RBPMS2: variants seen among roughly 807,000 people sequenced by gnomAD.
The protein encoded by RBPMS2 is RNA binding protein, mRNA processing factor 2, also known as RNA-binding protein with multiple splicing 2.
A neutral mutation model predicts 25.7 loss-of-function variants in RBPMS2; 14 were observed. That is an observed-to-expected ratio of 0.55 (90% CI 0.36 to 0.85). The LOEUF (loss-of-function observed/expected upper bound fraction) is 0.85, where lower values mean the gene tolerates loss of function less well. RBPMS2 is among the 40% of genes least tolerant of loss of function. The probability of loss-of-function intolerance (pLI) is 0.01; values close to 1 mark genes in which losing one functional copy is unlikely to be tolerated. For missense variants in RBPMS2, 252 were observed against 283.4 expected (o/e 0.89, Z 0.80); for synonymous variants, 127 against 115.6 (o/e 1.10, Z -0.63).
In RBPMS2 at chr15:64,750,328, TA is replaced by T; in HGVS notation, c.204+14del. The T allele has an allele frequency of 6.2e-7, 1 of 1,611,876 alleles. No individual in the cohort carries two copies. Among genetic ancestry groups the T allele is most frequent in the Non-Finnish European group, 8.5e-7 (1 of 1,178,002 alleles). ...GTCTGGGCTGGGAGGAAGAAAACCC[TA>T]GGAGAGAAATTACCTGTCTTGCAGT... On this transcript the variant is annotated intron_variant, in intron 3 of 7. Transcript: ENST00000300069.
At chr15:64,752,192 A>G (rs929090749) in intron 1 of RBPMS2, among the ~76,000 whole-genome samples, 2 of 151,486 alleles carry the variant, frequency 1.3e-5, no homozygotes, top group Non-Finnish European at 2.9e-5. Flanking sequence ...GCAGTGCCTG[A>G]CCCCCCAAAA....
intron 1 of RBPMS2, among the ~76,000 whole-genome samples, chr15:64,756,818 T>TAG (rs765627531): frequency 0.86 from 125,351 of 145,172 alleles, 55,447 homozygotes; most frequent in East Asian, 0.96. Flanking sequence ...TTTTTTTTTT[T>TAG]TTGGAGAGAC....
At chr15:64,749,910 A>T (rs758296688) in intron 3 of RBPMS2, among the ~76,000 whole-genome samples, 12 of 152,168 alleles carry the variant, frequency 7.9e-5, no homozygotes, top group Non-Finnish European at 1.8e-4. Context: ...TAGGTTGAAA[A>T]CTGCTCCAAC....
intron 1 of RBPMS2, among the ~76,000 whole-genome samples, chr15:64,765,132 C>G (rs1042732028): frequency 8.2e-5 from 11 of 134,838 alleles, no homozygotes; most frequent in Non-Finnish European, 7.6e-5. Context: ...GAGGCTGAGG[C>G]AGAAGAATGA....
At chr15:64,755,222 T>C (rs1377788906) in intron 1 of RBPMS2, among the ~76,000 whole-genome samples, 2 of 152,078 alleles carry the variant, frequency 1.3e-5, no homozygotes, top group African/African-American at 2.4e-5. Flanking sequence ...ATGACCCTTT[T>C]CCTCAGGGTT....
At chr15:64,756,494 G>T (rs931145926) in intron 1 of RBPMS2, among the ~76,000 whole-genome samples, 4 of 149,966 alleles carry the variant, frequency 2.7e-5, no homozygotes, top group African/African-American at 9.9e-5. Flanking sequence ...TCCATCCTGG[G>T]CAGGAGAGCA....
rs578103652 is a variant in RBPMS2, at chr15:64,764,410, G to A, written c.87+10823C>T. The stretch of plus-strand genomic sequence containing the variant: ...TGCTGGCATGAACACACAGCCCCGA[G>A]CCCACCACACCTAGCCCATTACTTG... On this transcript the variant is annotated intron_variant, in intron 1 of 7. Coordinates refer to ENST00000300069, the MANE Select transcript of RBPMS2 (RefSeq NM_194272.3). Among the ~76,000 whole-genome samples, 12 of 152,268 alleles carry A rather than the reference G, an allele frequency of 7.9e-5. No homozygotes were observed. The East Asian group carries it at 2.3e-3, about 29-fold the overall frequency.
intron 1 of RBPMS2, chr15:64,762,561 T>C (rs910712020): frequency 1.9e-6 from 1 of 530,830 alleles, no homozygotes. Flanking sequence ...GACACTGCAC[T>C]CAGGGTCCAG....
chr15:64,754,766 G>A (rs967955970), intron 1 of RBPMS2, among the ~76,000 whole-genome samples: 2 of 151,948 alleles, frequency 1.3e-5, no homozygotes, highest in African/African-American at 4.8e-5. Context: ...GAGGTGATGG[G>A]TGCTTTGGGT....
intron 2 of RBPMS2, among the ~76,000 whole-genome samples, chr15:64,751,060 C>T (rs901065250): frequency 6.6e-6 from 1 of 151,290 alleles, no homozygotes; most frequent in Admixed American, 6.6e-5. Flanking sequence ...AAAGGACAAG[C>T]GCCGTGGCTC....
At chr15:64,742,970 G>A (rs1294369031) in intron 6 of RBPMS2, among the ~76,000 whole-genome samples, 1 of 152,216 alleles carries the variant, frequency 6.6e-6, no homozygotes, top group South Asian at 2.1e-4. Context: ...GGAGCTCAGC[G>A]GGAAGTTAGA....
chr15:64,757,042 A>G (rs1405157150), intron 1 of RBPMS2, among the ~76,000 whole-genome samples: 1 of 140,900 alleles, frequency 7.1e-6, no homozygotes, highest in Non-Finnish European at 1.5e-5. Context: ...GCGCTATCAT[A>G]GCTCACTGCA....
intron 3 of RBPMS2, among the ~76,000 whole-genome samples, chr15:64,750,056 CAA>C (rs748378695): frequency 3.6e-5 from 5 of 138,362 alleles, no homozygotes; most frequent in African/African-American, 2.7e-5. Flanking sequence ...AACTCCATCT[CAA>C]AAAAAAAAAA....
At chr15:64,755,747 C>G (rs993996495) in intron 1 of RBPMS2, among the ~76,000 whole-genome samples, 4 of 152,266 alleles carry the variant, frequency 2.6e-5, no homozygotes, top group African/African-American at 9.6e-5. Context: ...GCAGGGGAAG[C>G]GTGGGCTCCG....
At chr15:64,749,570 G>C in intron 3 of RBPMS2, 77 bp from the exon 4 acceptor site, 2 of 1,287,970 alleles carry the variant, frequency 1.6e-6, no homozygotes, top group South Asian at 1.2e-5. Context: ...AACAAAAAAA[G>C]AGTATCATCT....
intron 1 of RBPMS2, among the ~76,000 whole-genome samples, chr15:64,760,890 C>T (rs2083778085): frequency 6.6e-6 from 1 of 152,026 alleles, no homozygotes; most frequent in Non-Finnish European, 1.5e-5. Flanking sequence ...CTCTTCCCTG[C>T]CCACAGACAA....
chr15:64,766,153 C>T (rs780086043), intron 1 of RBPMS2, among the ~76,000 whole-genome samples: 1 of 152,200 alleles, frequency 6.6e-6, no homozygotes, highest in Admixed American at 6.5e-5. Context: ...AGGCTCTGTC[C>T]GTCCTCCTTG....
Position 64,775,426 on chromosome 15 carries a change from G to T in RBPMS2, c.-107C>A. 2.2e-6 allele frequency: 1 copy of T among 464,104 alleles called. No individual in the cohort carries two copies. 28.7% of individuals were successfully genotyped at this position (464,104 alleles called of 1,614,324 possible). ...AGCGGTGCGCTCGCGGGTGCGGAGC[G>T]GGTGGCGGGGGACCCACGGGGCAGT... On this transcript the variant is annotated 5_prime_UTR_variant, in exon 1 of 8. Coordinates refer to ENST00000300069, the MANE Select transcript of RBPMS2 (RefSeq NM_194272.3).
chr15:64,757,810 T>TTC (rs1555430951), intron 1 of RBPMS2, among the ~76,000 whole-genome samples: 1 of 151,090 alleles, frequency 6.6e-6, no homozygotes, highest in East Asian at 1.9e-4. Context: ...CAAGGCCCTA[T>TTC]CCCCCCCCAC....
Sources: allele counts gnomAD v4.1 joint callset (sites outside exome capture counted in the v4.1 genomes callset), GRCh38; gene constraint gnomAD v4.1.1; transcripts MANE v1.5; gene names NCBI Gene and HGNC (gene_info 2026-07-23, HGNC 2026-07-21).